Variants in DAB1 observed in about 807,000 individuals in gnomAD.
The protein encoded by DAB1 is disabled homolog 1.
DAB1 carries 15 observed loss-of-function variants against 64.6 expected under a neutral mutation model. That is an observed-to-expected ratio of 0.23 (90% CI 0.16 to 0.36). The LOEUF (loss-of-function observed/expected upper bound fraction) is 0.36. DAB1 is among the 10% of genes least tolerant of loss of function. DAB1 has a pLI of 1.00. For synonymous variants in DAB1, 235 were observed against 251.9 expected (o/e 0.93, Z 0.64); for missense variants, 596 against 706.7 (o/e 0.84, Z 1.78).
intron 1 of DAB1, among the ~76,000 whole-genome samples, chr1:57,402,631 A>G (rs1356141934): frequency 6.6e-6 from 1 of 152,206 alleles, no homozygotes; most frequent in Non-Finnish European, 1.5e-5. Flanking sequence ...CTTAGGCAAT[A>G]TATTTTCTGC....
chr1:58,116,358 G>A (rs1652335044), intron 5 of DAB1, among the ~76,000 whole-genome samples: 1 of 152,140 alleles, frequency 6.6e-6, no homozygotes, highest in South Asian at 2.1e-4. Flanking sequence ...AGCACTATTT[G>A]TTTAAGCCAC....
intron 3 of DAB1, among the ~76,000 whole-genome samples, chr1:58,349,252 T>G (rs1430931287): frequency 2.6e-5 from 4 of 152,172 alleles, no homozygotes; most frequent in African/African-American, 9.7e-5. Flanking sequence ...TCTGGTTTCC[T>G]CAGTGCCTGA....
chr1:57,073,498 C>T (rs1651699270), intron 4 of DAB1, among the ~76,000 whole-genome samples: 1 of 152,088 alleles, frequency 6.6e-6, no homozygotes. Flanking sequence ...TATACTAAAC[C>T]TACTTGAAAC....
At chr1:57,323,101 T>C (rs894079720) in intron 1 of DAB1, among the ~76,000 whole-genome samples, 4 of 152,130 alleles carry the variant, frequency 2.6e-5, no homozygotes, top group African/African-American at 9.7e-5. Flanking sequence ...TGCTGGTCCA[T>C]GGACCACAGG....
intron 1 of DAB1, among the ~76,000 whole-genome samples, chr1:57,317,004 T>C (rs893093595): frequency 6.6e-6 from 1 of 152,198 alleles, no homozygotes; most frequent in Non-Finnish European, 1.5e-5. Context: ...GGATGTCACT[T>C]GATAAATTAG....
At chr1:58,171,888 G>T (rs540144033) in intron 4 of DAB1, among the ~76,000 whole-genome samples, 1 of 152,316 alleles carries the variant, frequency 6.6e-6, no homozygotes, top group East Asian at 1.9e-4. Flanking sequence ...GCCCAGCTTT[G>T]CCTACAGCAG....
chr1:57,725,929 T>A (rs1471148456), intron 6 of DAB1, among the ~76,000 whole-genome samples: 1 of 152,148 alleles, frequency 6.6e-6, no homozygotes, highest in African/African-American at 2.4e-5. Flanking sequence ...TGCTTTTGTA[T>A]TTTTAGTAGA....
At chr1:57,918,597 G>T (rs1029191368) in intron 5 of DAB1, among the ~76,000 whole-genome samples, 3 of 152,102 alleles carry the variant, frequency 2.0e-5, no homozygotes, top group Non-Finnish European at 4.4e-5. Context: ...GGCCGGGGCG[G>T]GCAGATCACA....
At chr1:57,811,788 A>C (rs1218940306) in intron 6 of DAB1, among the ~76,000 whole-genome samples, 1 of 152,198 alleles carries the variant, frequency 6.6e-6, no homozygotes, top group Non-Finnish European at 1.5e-5. Context: ...GTTGAAAAGA[A>C]ACAAAACTAG....
At chr1:57,895,908 C>G (rs573084828) in intron 5 of DAB1, among the ~76,000 whole-genome samples, 1 of 152,214 alleles carries the variant, frequency 6.6e-6, no homozygotes, top group South Asian at 2.1e-4. Context: ...CTATCAAAAC[C>G]CAGTTTTCCT....
chr1:57,936,186 C>A (rs1645021984), intron 5 of DAB1, among the ~76,000 whole-genome samples: 1 of 152,236 alleles, frequency 6.6e-6, no homozygotes, highest in South Asian at 2.1e-4. Flanking sequence ...GGAAGACTCA[C>A]ACAGCAGTAA....
At chr1:58,236,123 C>T (rs539017698) in intron 4 of DAB1, among the ~76,000 whole-genome samples, 1 of 150,708 alleles carries the variant, frequency 6.6e-6, no homozygotes, top group Non-Finnish European at 1.5e-5. Flanking sequence ...CACCCCGCCC[C>T]GCCCCCACTC....
chr1:57,317,625 A>T (rs563919792), intron 1 of DAB1, among the ~76,000 whole-genome samples: 1 of 152,126 alleles, frequency 6.6e-6, no homozygotes, highest in Non-Finnish European at 1.5e-5. Flanking sequence ...ATCTTTGAAC[A>T]CTACGTTACT....
At chr1:57,276,621 G>A (rs1190544564) in intron 2 of DAB1, among the ~76,000 whole-genome samples, 1 of 152,154 alleles carries the variant, frequency 6.6e-6, no homozygotes, top group African/African-American at 2.4e-5. Flanking sequence ...TCCTTTCACG[G>A]GAGGATAGGG....
rs532379409 is a variant in DAB1 at position 57,413,004 on chromosome 1, G to A, written c.-137+10926C>T. 7.2e-5 allele frequency among the ~76,000 whole-genome samples: 11 copies of A among 152,300 alleles called. No individual in the cohort carries two copies. The South Asian group carries it at 8.3e-4, about 11-fold the overall frequency. ...CTTCAAAAGACAGACTGACTCTATCGTTAGGGGTGAATGCAGCTGGCTACT... is the reference window on the plus strand; with the variant it reads ...CTTCAAAAGACAGACTGACTCTATCATTAGGGGTGAATGCAGCTGGCTACT... On this transcript the variant is annotated intron_variant, in intron 1 of 14. Transcript: ENST00000371236.
intron 4 of DAB1, among the ~76,000 whole-genome samples, chr1:57,105,294 G>A (rs943441518): frequency 1.8e-4 from 27 of 151,540 alleles, no homozygotes; most frequent in Non-Finnish European, 5.9e-5. Context: ...TTGGACCCTG[G>A]AGCAAATGAA....
chr1:57,777,424 G>A (rs1285969026), intron 6 of DAB1, among the ~76,000 whole-genome samples: 3 of 151,376 alleles, frequency 2.0e-5, no homozygotes, highest in South Asian at 2.1e-4. Flanking sequence ...TTCAAATTAC[G>A]TACACGTTAA....
At chr1:57,764,959 A>C (rs1649245206) in intron 6 of DAB1, among the ~76,000 whole-genome samples, 1 of 152,204 alleles carries the variant, frequency 6.6e-6, no homozygotes, top group African/African-American at 2.4e-5. Context: ...ATTTAGCCAA[A>C]CCAGATGGAA....
intron 7 of DAB1, among the ~76,000 whole-genome samples, chr1:57,555,550 T>C (rs1644978604): frequency 6.6e-6 from 1 of 152,172 alleles, no homozygotes; most frequent in Non-Finnish European, 1.5e-5. Context: ...CATATGATGA[T>C]CATTGCTGCT....
Sources: allele counts gnomAD v4.1 joint callset (sites outside exome capture counted in the v4.1 genomes callset), GRCh38; gene constraint gnomAD v4.1.1; transcripts MANE v1.5; gene names NCBI Gene and HGNC (gene_info 2026-07-23, HGNC 2026-07-21).